Variants in NUP205 observed in about 807,000 individuals in gnomAD.
NUP205 encodes the protein nucleoporin 205, also known as nuclear pore complex protein Nup205.
In NUP205, 76 loss-of-function variants were observed where a neutral mutation model predicts 253.8. The observed-to-expected ratio is 0.30, with a 90% CI of 0.25 to 0.36. The LOEUF (loss-of-function observed/expected upper bound fraction) is 0.36, where lower values mean the gene tolerates loss of function less well. Ranked by LOEUF, NUP205 falls within the 10% of genes least tolerant of loss-of-function variation. The pLI is 1.00. For synonymous variants in NUP205, 832 were observed against 850.1 expected (o/e 0.98, Z 0.37); for missense variants, 2,162 against 2,425.5 (o/e 0.89, Z 2.28).
At chr7:135,570,871 A>ATATATGTAATATGTTATATATTATATATT (rs1805976946) in intron 1 of NUP205, among the ~76,000 whole-genome samples, 2 of 104,612 alleles carry the variant, frequency 1.9e-5, no homozygotes, top group Non-Finnish European at 3.7e-5. Flanking sequence ...TAAATATAAA[A>ATATATGTAATATGTTATATATTATATATT]TATATGTAAT....
chr7:135,635,338 A>G, intron 35 of NUP205: 1 of 295,096 alleles, frequency 3.4e-6, no homozygotes, highest in Non-Finnish European at 6.2e-6. Context: ...AAAACTAAAA[A>G]TGCCTTTTAA....
intron 10 of NUP205, among the ~76,000 whole-genome samples, chr7:135,589,383 G>C (rs1307208242): frequency 6.6e-6 from 1 of 150,514 alleles, no homozygotes. Context: ...CTGCCTCCCA[G>C]ATTCAAGCGA....
At chr7:135,639,654 G>A (rs1046188433) in intron 38 of NUP205, among the ~76,000 whole-genome samples, 8 of 149,876 alleles carry the variant, frequency 5.3e-5, no homozygotes, top group Admixed American at 2.7e-4. Context: ...TCACACCACT[G>A]CACTACAGCC....
intron 3 of NUP205, among the ~76,000 whole-genome samples, 187 bp downstream of exon 3, chr7:135,574,012 G>A (rs1306654681): frequency 1.3e-5 from 2 of 151,532 alleles, no homozygotes; most frequent in African/African-American, 4.9e-5. Flanking sequence ...TCGCTCTGTT[G>A]CCCAGGCTGG....
chr7:135,572,281 T>G (rs1027947200), intron 2 of NUP205, among the ~76,000 whole-genome samples: 1 of 152,230 alleles, frequency 6.6e-6, no homozygotes, highest in African/African-American at 2.4e-5. Flanking sequence ...ATTTAGTATA[T>G]TCCAGAAATA....
Position 135,617,638 on chromosome 7 carries a change from C to T in NUP205, c.3727C>T (p.Leu1243Phe), listed in dbSNP as rs200947087. Residue 1243 changes from leucine (L) to phenylalanine (F), a missense_variant, in exon 27 of 43, where the codon CTT becomes TTT. Leu to Phe is a conservative substitution (Grantham distance 22). Coordinates refer to ENST00000285968, the MANE Select transcript of NUP205 (RefSeq NM_015135.3). Reference sequence around the variant, plus strand: ...GGTTCTTGTAGCTGAAGTAAATGCCCTTCAGGGTATGGCAGCCATAGGACA... The same window carrying T: ...GGTTCTTGTAGCTGAAGTAAATGCCTTTCAGGGTATGGCAGCCATAGGACA... The part of the protein sequence containing the change: ...HRVLVAEVNA[L>F]QGMAAIGQRP... 2 of 1,612,938 alleles carry T rather than the reference C, an allele frequency of 1.2e-6. No homozygotes were observed. Among genetic ancestry groups the T allele is most frequent in the Non-Finnish European group, 1.7e-6 (2 of 1,179,160 alleles).
intron 34 of NUP205, among the ~76,000 whole-genome samples, chr7:135,628,738 TA>T (rs1429890446): frequency 1.3e-5 from 2 of 152,250 alleles, no homozygotes; most frequent in Non-Finnish European, 2.9e-5. Context: ...TGTATTGCTT[TA>T]TTGTATTTTG....
At chr7:135,645,242 T>G (rs1360951782) in intron 40 of NUP205, among the ~76,000 whole-genome samples, 2 of 152,220 alleles carry the variant, frequency 1.3e-5, no homozygotes, top group African/African-American at 4.8e-5. Context: ...GGGAAGAAGG[T>G]AGGGACATGA....
intron 12 of NUP205, 78 bp from the exon 13 acceptor site, chr7:135,594,469 T>C: frequency 8.9e-7 from 1 of 1,121,154 alleles, no homozygotes; most frequent in South Asian, 1.5e-5. Context: ...GTATAAATGA[T>C]AGCAATTTAG....
chr7:135,572,971 T>C (rs1376672840), intron 2 of NUP205, among the ~76,000 whole-genome samples: 6 of 151,594 alleles, frequency 4.0e-5, no homozygotes, highest in Non-Finnish European at 4.4e-5. Flanking sequence ...TTTTTTCTTT[T>C]TTTTTGCTTT....
At chr7:135,609,286 G>C (rs1794168988) in intron 22 of NUP205, among the ~76,000 whole-genome samples, 1 of 151,870 alleles carries the variant, frequency 6.6e-6, no homozygotes, top group Non-Finnish European at 1.5e-5. Context: ...AATTCATCCT[G>C]ACTAACACAA....
chr7:135,639,748 AAC>A (rs1183435815), intron 38 of NUP205, among the ~76,000 whole-genome samples: 2 of 152,184 alleles, frequency 1.3e-5, no homozygotes, highest in Admixed American at 6.5e-5. Context: ...CTACTATAAA[AAC>A]ACATGCACAC....
intron 34 of NUP205, among the ~76,000 whole-genome samples, chr7:135,629,699 G>C (rs1219111519): frequency 6.6e-6 from 1 of 151,824 alleles, no homozygotes; most frequent in African/African-American, 2.4e-5. Flanking sequence ...ACTAATTTTT[G>C]TATTTTTAGT....
intron 38 of NUP205, among the ~76,000 whole-genome samples, chr7:135,642,958 A>G (rs1794942415): frequency 6.6e-6 from 1 of 152,058 alleles, no homozygotes; most frequent in African/African-American, 2.4e-5. Flanking sequence ...TGCATCAGTC[A>G]GATTTCTTTA....
chr7:135,579,137 G>A (rs567344439), intron 7 of NUP205, among the ~76,000 whole-genome samples: 1 of 152,118 alleles, frequency 6.6e-6, no homozygotes, highest in Admixed American at 6.5e-5. Flanking sequence ...TGGAGCCACT[G>A]ACAATGCTCT....
intron 33 of NUP205, among the ~76,000 whole-genome samples, chr7:135,626,991 A>T (rs1400908665): frequency 1.3e-5 from 2 of 152,238 alleles, no homozygotes; most frequent in African/African-American, 4.8e-5. Flanking sequence ...AGGCTTAACT[A>T]CAGAACTGTT....
At chr7:135,633,888 A>G (rs932848180) in intron 35 of NUP205, among the ~76,000 whole-genome samples, 7 of 152,354 alleles carry the variant, frequency 4.6e-5, no homozygotes, top group South Asian at 2.1e-4. Context: ...TTATACTACT[A>G]TCAACCCTGT....
At chr7:135,625,047 A>C in intron 31 of NUP205, 117 bp from the exon 32 acceptor site, 1 of 882,274 alleles carries the variant, frequency 1.1e-6, no homozygotes, top group Non-Finnish European at 1.7e-6. Context: ...TGCAAGTAAC[A>C]TTCTCTTTAT....
rs1052810669 is a variant in NUP205, at chr7:135,622,780, A to C, written c.4334A>C (p.Lys1445Thr). 11 of 1,613,730 alleles carry C rather than the reference A, an allele frequency of 6.8e-6. No homozygotes were observed. Among genetic ancestry groups the C allele is most frequent in the Non-Finnish European group, 9.3e-6 (11 of 1,179,898 alleles). Reference protein sequence around the residue: ...PDEPDTLEAAKKTMWERLTAP... With the variant: ...PDEPDTLEAATKTMWERLTAP... ...TTTTCTGTTTTAATCCTTTTAGCCA[A>C]GAAAACCATGTGGGAAAGGCTGACA... is the stretch of plus-strand genomic sequence containing the variant. Residue 1445 changes from lysine to threonine, a missense_variant, in exon 31 of 43, where the codon AAG becomes ACG. Lys to Thr is a moderately conservative substitution (Grantham distance 78, BLOSUM62 -1). Around this residue, in one of 5 missense-constraint regions of NUP205, gnomAD observed 1,144 missense variants for 1,280.9 expected, o/e 0.89. Transcript: ENST00000285968.
Sources: gnomAD v4.1 joint callset for allele counts (sites outside exome capture counted in the v4.1 genomes callset) on GRCh38, gnomAD v4.1.1 for gene constraint, gnomAD v4.1.1 regional missense constraint, MANE v1.5 for transcripts, NCBI Gene and HGNC (gene_info 2026-07-23, HGNC 2026-07-21) for gene names.